VAC14: variants seen among roughly 807,000 people sequenced by gnomAD.
VAC14 encodes the protein VAC14 component of PIKFYVE complex, also known as protein VAC14 homolog.
In VAC14, 47 loss-of-function variants were observed where a neutral mutation model predicts 85.3. The ratio of observed to expected loss-of-function variants is 0.55; its 90% CI spans 0.44 to 0.70. The LOEUF is 0.70. Among genes scored for constraint, VAC14 ranks in the 30% least tolerant of loss-of-function variants. VAC14 has a pLI of 0.00. For synonymous variants in VAC14, 447 were observed against 430.5 expected (o/e 1.04, Z -0.47); for missense variants, 861 against 1,004.3 (o/e 0.86, Z 1.93).
intron 13 of VAC14, among the ~76,000 whole-genome samples, chr16:70,733,155 TG>T (rs1449504564): frequency 6.6e-6 from 1 of 152,216 alleles, no homozygotes; most frequent in Non-Finnish European, 1.5e-5. Flanking sequence ...CTCACTTCCA[TG>T]GCCCCTAGCG....
At position 70,783,076 on chromosome 16, in the gene VAC14, A is replaced by G; in HGVS notation, c.768T>C (p.Phe256=). Residue 256 remains phenylalanine, a synonymous_variant, in exon 7 of 19, where the codon TTT becomes TTC. Transcript: ENST00000261776. ...TCACCAGGATGTTGGCCATCTCAGC[A>G]AACTTCACACTGGAGGGGTTCTTCT... ...EIKKNPSSVK[F]AEMANILVIH... 1 of 1,614,218 alleles carries G rather than the reference A, an allele frequency of 6.2e-7. No individual in the cohort carries two copies. The highest frequency in any genetic ancestry group is 8.5e-7 in the Non-Finnish European group (1 of 1,180,038).
chr16:70,696,964 T>C (rs1019703148), intron 16 of VAC14, 175 bp downstream of exon 16: 1 of 578,678 alleles, frequency 1.7e-6, no homozygotes, highest in Non-Finnish European at 3.1e-6. Context: ...CTCTCCCAAA[T>C]ACGTCCCTCC....
chr16:70,698,495 C>T, intron 15 of VAC14, 142 bp downstream of exon 15: 2 of 1,016,026 alleles, frequency 2.0e-6, no homozygotes, highest in Non-Finnish European at 2.8e-6. Flanking sequence ...TCCCTATTTC[C>T]CAGTGGACCA....
At position 70,785,947 on chromosome 16, in the gene VAC14, T is replaced by C. The variant is rs1030172970; in HGVS notation, c.256-78A>G. ...CTGCAGCCTGCAGTGCCAGCTGACA[T>C]CCCAGCTCCCTTGAAGGTGCTCAGG... On this transcript the variant is annotated intron_variant, in intron 2 of 18. Transcript: ENST00000261776. The C allele has an allele frequency of 4.1e-6, 6 of 1,480,504 alleles. No homozygotes were observed. The African/African-American group carries it at 7.0e-5, about 17-fold the overall frequency. The allele number at this position is 1,480,504 out of a possible 1,614,324, so 91.7% of individuals were successfully genotyped here. A position where few individuals can be genotyped will look rare whatever the true frequency, so the allele number is the denominator to read the frequency against.
intron 14 of VAC14, among the ~76,000 whole-genome samples, chr16:70,712,553 A>G (rs2054057477): frequency 1.3e-5 from 2 of 152,190 alleles, no homozygotes; most frequent in African/African-American, 4.8e-5. Context: ...TGTTCTGCAC[A>G]AAGACAGTGA....
At chr16:70,761,209 G>A (rs1448657349) in intron 12 of VAC14, 6 of 455,776 alleles carry the variant, frequency 1.3e-5, no homozygotes, top group South Asian at 9.3e-5. Flanking sequence ...CCCCCCACAA[G>A]CCTGGCACCA....
intron 12 of VAC14, among the ~76,000 whole-genome samples, chr16:70,759,130 C>T (rs2032109919): frequency 1.3e-5 from 2 of 152,220 alleles, no homozygotes; most frequent in Admixed American, 6.5e-5. Flanking sequence ...TCTTGCATCA[C>T]CAACACCTGA....
At chr16:70,756,218 C>G in intron 12 of VAC14, 1 of 378,244 alleles carries the variant, frequency 2.6e-6, no homozygotes, top group Non-Finnish European at 5.3e-6. Context: ...CTGCTCTGCT[C>G]TGCTCTGGGC....
At chr16:70,797,895 A>G (rs2034613038) in intron 1 of VAC14, among the ~76,000 whole-genome samples, 1 of 152,158 alleles carries the variant, frequency 6.6e-6, no homozygotes, top group Non-Finnish European at 1.5e-5. Context: ...CATGATTGGA[A>G]GCATCCTGAG....
chr16:70,749,076 T>C (rs1174391356), intron 12 of VAC14, among the ~76,000 whole-genome samples: 4 of 152,230 alleles, frequency 2.6e-5, no homozygotes, highest in Non-Finnish European at 5.9e-5. Context: ...TGCCAGGCTG[T>C]TGTGAAGATT....
chr16:70,733,656 G>A lies in VAC14; in HGVS notation c.1529-2029C>T, dbSNP rs1488485581. On this transcript the variant is annotated intron_variant, in intron 13 of 18. Coordinates refer to ENST00000261776, the MANE Select transcript of VAC14 (RefSeq NM_018052.5). ...ACCTTCCTCTTACTCTCTTGCTCCT[G>A]CTTTGGCCTCCTCTGCCTGCTGCCC... is the stretch of plus-strand genomic sequence containing the variant. Among the ~76,000 whole-genome samples, 4 of 151,956 alleles carry A rather than the reference G, an allele frequency of 2.6e-5. No individual in the cohort carries two copies. The East Asian group carries it at 5.8e-4, about 22-fold the overall frequency.
intron 13 of VAC14, among the ~76,000 whole-genome samples, chr16:70,734,386 G>A (rs905472064): frequency 1.3e-5 from 2 of 152,146 alleles, no homozygotes; most frequent in Non-Finnish European, 2.9e-5. Flanking sequence ...TTCTGCCTTG[G>A]CCTCCCAAAG....
intron 10 of VAC14, chr16:70,770,366 G>A (rs2033126329): frequency 6.6e-6 from 1 of 152,118 alleles, no homozygotes; most frequent in African/African-American, 2.4e-5. Flanking sequence ...TCCCTAGCGG[G>A]TCTGCATCCA....
intron 13 of VAC14, among the ~76,000 whole-genome samples, chr16:70,735,426 G>A (rs1216882604): frequency 6.6e-6 from 1 of 152,160 alleles, no homozygotes; most frequent in Non-Finnish European, 1.5e-5. Flanking sequence ...TATTCCAAGT[G>A]AATCTCACGG....
Position 70,762,463 on chromosome 16 carries a change from T to G in VAC14, c.1371+77A>C. 7.0e-7 allele frequency: 1 copy of G among 1,421,056 alleles called. No homozygotes were observed. 88.0% of individuals were successfully genotyped at this position (1,421,056 alleles called of 1,614,324 possible). ...CTAGGAAGGATGCACTGTACCAAAA[T>G]AAGCATATCTCAGTCACTAACAAGG... On this transcript the variant is annotated intron_variant, in intron 12 of 18. Transcript: ENST00000261776. The surrounding 1 kb of genome is among the most constrained non-coding windows in gnomAD (Gnocchi z 4.1).
chr16:70,774,100 A>T (rs77871837), intron 9 of VAC14, among the ~76,000 whole-genome samples: 1 of 152,118 alleles, frequency 6.6e-6, no homozygotes, highest in East Asian at 1.9e-4. Flanking sequence ...CAAACCCAGA[A>T]GGTTAACTTC....
chr16:70,785,973 C>G, intron 2 of VAC14, 104 bp from the exon 3 acceptor site: 1 of 1,400,192 alleles, frequency 7.1e-7, no homozygotes, highest in Non-Finnish European at 9.6e-7. Flanking sequence ...GGTGCTCAGG[C>G]CTTTGTGTGA....
rs200312866 is a variant in VAC14, at chr16:70,800,128, G to GA, written c.104+668dup. ...CCCACAAAAGTAAAATAATACTGCAGAAAAAAAAATAAATAAAACATCCCC... is the reference window on the plus strand; with the variant it reads ...CCCACAAAAGTAAAATAATACTGCAGAAAAAAAAAATAAATAAAACATCCCC... On this transcript the variant is annotated intron_variant, in intron 1 of 18. Transcript: ENST00000261776. 8.0e-3 allele frequency among the ~76,000 whole-genome samples: 1,207 copies of GA among 150,274 alleles called. 8 individuals carry two copies. The highest frequency in any genetic ancestry group is 0.012 in the Non-Finnish European group (810 of 67,544).
intron 13 of VAC14, 99 bp downstream of exon 13, chr16:70,744,324 A>T: frequency 6.7e-7 from 1 of 1,502,110 alleles, no homozygotes; most frequent in Non-Finnish European, 9.0e-7. Context: ...AGAGCTCCAG[A>T]GCTCCTGAGC....
Sources: allele counts gnomAD v4.1 joint callset (sites outside exome capture counted in the v4.1 genomes callset), GRCh38; gene constraint gnomAD v4.1.1; non-coding constraint Gnocchi (gnomAD v3.1); transcripts MANE v1.5; gene names NCBI Gene and HGNC (gene_info 2026-07-23, HGNC 2026-07-21).